The following AGMO variants were observed in gnomAD, a reference collection of about 807,000 sequenced individuals.
The protein encoded by AGMO is alkylglycerol monooxygenase, also known as glyceryl-ether monooxygenase.
Under a neutral mutation model 60.2 loss-of-function variants are expected in AGMO, and 75 were observed. That is an observed-to-expected ratio of 1.25 (90% confidence interval 1.03 to 1.51). AGMO has a LOEUF of 1.51. Among genes scored for constraint, AGMO ranks in the 40% most tolerant of loss-of-function variants. The probability of loss-of-function intolerance (pLI) is 0.00; values close to 1 mark genes in which losing one functional copy is unlikely to be tolerated. For missense variants in AGMO, 763 were observed against 525.5 expected, an observed-to-expected ratio of 1.45 and a Z score of -4.42; for synonymous variants, 261 against 177.1, an observed-to-expected ratio of 1.47 and a Z score of -3.76.
At chr7:15,292,110 A>G (rs1204765533) in intron 12 of AGMO, among the ~76,000 whole-genome samples, 1 of 152,134 alleles carries the variant, frequency 6.6e-6, no homozygotes, top group African/African-American at 2.4e-5. Flanking sequence ...GGTGGGAGGG[A>G]TGAGAAAATA....
Position 15,358,415 on chromosome 7 carries a change from T to C in AGMO, c.1263+7099A>G, listed in dbSNP as rs116590855. 400 of 471,112 alleles carry C rather than the reference T, an allele frequency of 8.5e-4. 2 individuals carry two copies. Among genetic ancestry groups the C allele is most frequent in the African/African-American group, 7.6e-3 (381 of 50,156 alleles). The allele number at this position is 471,112 out of a possible 1,614,324, so 29.2% of individuals were successfully genotyped here. ...ATAATAAGAAGGCATAATAATTAGATTGCAGAGTTGGAAGACAAGTAGGGT... is the reference window on the plus strand; with the variant it reads ...ATAATAAGAAGGCATAATAATTAGACTGCAGAGTTGGAAGACAAGTAGGGT... On this transcript the variant is annotated intron_variant, in intron 12 of 12. Coordinates refer to ENST00000342526, the MANE Select transcript of AGMO (RefSeq NM_001004320.2).
At chr7:15,511,146 G>A (rs1433003205) in intron 3 of AGMO, among the ~76,000 whole-genome samples, 1 of 152,048 alleles carries the variant, frequency 6.6e-6, no homozygotes, top group African/African-American at 2.4e-5. Context: ...AGCTCATCCT[G>A]GCAGCTCAGG....
At chr7:15,436,245 C>T (rs927118296) in intron 3 of AGMO, among the ~76,000 whole-genome samples, 2 of 152,138 alleles carry the variant, frequency 1.3e-5, no homozygotes, top group African/African-American at 4.8e-5. Flanking sequence ...ATACCTGAGG[C>T]TGTGGAATTT....
rs1245724767 is a variant in AGMO, at chr7:15,292,742, TTTTTTTTCC to T, written c.1263+72763_1263+72771del. Among the ~76,000 whole-genome samples the T allele has an allele frequency of 4.0e-3, 550 of 138,890 alleles. 7 individuals are homozygous for T. Among genetic ancestry groups the T allele is most frequent in the African/African-American group, 0.015 (527 of 34,482 alleles). The allele number at this position is 138,890 out of a possible 152,430, so 91.1% of individuals were successfully genotyped here. On this transcript the variant is annotated intron_variant, in intron 12 of 12. Transcript: ENST00000342526. ...GCCTCTGGAAATACAGTCTCCTCCTTTTTTTTTCCTTTTTTTTTTTTTTTTTTTTTTTGA... is the reference window on the plus strand; with the variant it reads ...GCCTCTGGAAATACAGTCTCCTCCTTTTTTTTTTTTTTTTTTTTTTTTTGA...
chr7:15,489,894 G>A (rs551448800), intron 3 of AGMO, among the ~76,000 whole-genome samples: 3 of 152,270 alleles, frequency 2.0e-5, no homozygotes, highest in South Asian at 2.1e-4. Context: ...ACAGAATCAT[G>A]AGTAAACAGC....
At chr7:15,367,093 TAC>T (rs1487122364) in intron 10 of AGMO, among the ~76,000 whole-genome samples, 2 of 152,038 alleles carry the variant, frequency 1.3e-5, no homozygotes, top group East Asian at 3.8e-4. Context: ...ATGAACCATT[TAC>T]AGTTTGTTTT....
the AGMO span, among the ~76,000 whole-genome samples, chr7:15,189,109 A>T: frequency 2.0e-5 from 3 of 152,156 alleles, no homozygotes; most frequent in Non-Finnish European, 4.4e-5. Flanking sequence ...AAGAGCATTT[A>T]TGTGGTATTA....
intron 4 of AGMO, among the ~76,000 whole-genome samples, chr7:15,430,630 T>TAA (rs1165399598): frequency 7.6e-5 from 8 of 104,760 alleles, no homozygotes; most frequent in Non-Finnish European, 1.5e-4. Context: ...TGGTTTTTTT[T>TAA]AAAAAAAAAA....
rs565863916 is a variant in AGMO at position 15,285,968 on chromosome 7, T to C, written c.1263+79546A>G. 2.0e-3 allele frequency among the ~76,000 whole-genome samples: 304 copies of C among 151,874 alleles called. 1 individual carries two copies. The highest frequency in any genetic ancestry group is 3.5e-3 in the Non-Finnish European group (237 of 67,832). ...TTGAGAAAGCATTCAAAAATATAAATTGGGGAAAGGACACCTTATTTAATA... is the reference window on the plus strand; with the variant it reads ...TTGAGAAAGCATTCAAAAATATAAACTGGGGAAAGGACACCTTATTTAATA... On this transcript the variant is annotated intron_variant, in intron 12 of 12. Coordinates refer to ENST00000342526, the MANE Select transcript of AGMO (RefSeq NM_001004320.2).
chr7:15,387,899 A>T (rs1405068393), intron 8 of AGMO, among the ~76,000 whole-genome samples: 3 of 129,848 alleles, frequency 2.3e-5, no homozygotes, highest in Non-Finnish European at 1.5e-5. Context: ...CTAATGACAC[A>T]TTCTCTTTTT....
chr7:15,245,056 T>C (rs1782701316), intron 12 of AGMO, among the ~76,000 whole-genome samples: 1 of 152,156 alleles, frequency 6.6e-6, no homozygotes, highest in Non-Finnish European at 1.5e-5. Context: ...CATCTTCAAG[T>C]CTAGGAAATT....
intron 6 of AGMO, among the ~76,000 whole-genome samples, chr7:15,392,041 C>T (rs1784162548): frequency 6.6e-6 from 1 of 151,988 alleles, no homozygotes; most frequent in Non-Finnish European, 1.5e-5. Flanking sequence ...TGGACTTGTT[C>T]TTCTCGACTT....
intron 10 of AGMO, among the ~76,000 whole-genome samples, chr7:15,375,724 A>T (rs1783424734): frequency 6.6e-6 from 1 of 152,130 alleles, no homozygotes; most frequent in Non-Finnish European, 1.5e-5. Context: ...TTAATGAGGA[A>T]ATGTAACTCC....
At chr7:15,351,467 G>A (rs188590945) in intron 12 of AGMO, among the ~76,000 whole-genome samples, 3 of 152,254 alleles carry the variant, frequency 2.0e-5, no homozygotes, top group East Asian at 3.9e-4. Context: ...AGGCATGAGT[G>A]ATTAGTAATA....
chr7:15,296,873 G>C (rs1784421002), intron 12 of AGMO, among the ~76,000 whole-genome samples: 1 of 152,132 alleles, frequency 6.6e-6, no homozygotes, highest in South Asian at 2.1e-4. Context: ...GCCAAAGCTA[G>C]TGTTTTGTGG....
chr7:15,153,297 T>C, the AGMO span, among the ~76,000 whole-genome samples: 127 of 152,288 alleles, frequency 8.3e-4, no homozygotes, highest in Middle Eastern at 3.4e-3. Context: ...TAGTTATCTG[T>C]TAGCTCTGAT....
Position 15,545,477 on chromosome 7 carries a change from C to G in AGMO, c.258-554G>C, listed in dbSNP as rs1784753532. On this transcript the variant is annotated intron_variant, in intron 2 of 12. Transcript: ENST00000342526. ...CTTCTTCCTCCTTCCTTTTTATTTT[C>G]TCTTTCACACACACACATACACACA... 2.0e-5 allele frequency among the ~76,000 whole-genome samples: 3 copies of G among 151,796 alleles called. No homozygotes were observed. In the South Asian group the frequency reaches 6.2e-4, roughly 31 times the overall value.
intron 10 of AGMO, among the ~76,000 whole-genome samples, chr7:15,374,639 G>T (rs554604937): frequency 3.9e-4 from 59 of 152,062 alleles, no homozygotes; most frequent in African/African-American, 1.3e-3. Flanking sequence ...AAATCACAGG[G>T]CACAAGGCAA....
At chr7:15,139,621 A>AT in the AGMO span, among the ~76,000 whole-genome samples, 8 of 150,878 alleles carry the variant, frequency 5.3e-5, no homozygotes, top group South Asian at 2.1e-4. Flanking sequence ...GACATTATAG[A>AT]TTTTTTTTTC....
Sources: allele counts gnomAD v4.1 joint callset (sites outside exome capture counted in the v4.1 genomes callset), GRCh38; gene constraint gnomAD v4.1.1; transcripts MANE v1.5; gene names NCBI Gene and HGNC (gene_info 2026-07-23, HGNC 2026-07-21).